CMTM3: variants seen among roughly 807,000 people sequenced by gnomAD.
CMTM3 encodes the protein CKLF like MARVEL transmembrane domain containing 3.
Under a neutral mutation model 18.2 loss-of-function variants are expected in CMTM3, and 7 were observed. That is an observed-to-expected ratio of 0.38 (90% CI 0.22 to 0.72). The LOEUF is 0.72. CMTM3 is among the 30% of genes least tolerant of loss of function. The probability of loss-of-function intolerance (pLI) is 0.46; values close to 1 mark genes in which losing one functional copy is unlikely to be tolerated. For synonymous variants in CMTM3, 109 were observed against 111.2 expected, an observed-to-expected ratio of 0.98 and a Z score of 0.12; for missense variants, 227 against 249.2, an observed-to-expected ratio of 0.91 and a Z score of 0.60.
rs1260981054 is a variant in CMTM3, at chr16:66,609,528, G to A, written c.397G>A (p.Gly133Arg). ...CTCGGATGGGGCTTCCAAAGCCGCT[G>A]GGGTGAGCAGCCGCCCCACCCCTCT... ...KYSDGASKAA[G>R]VFGFFATIVF... The change falls in exon 3 of 5, where the codon GGG becomes AGG. Residue 133 changes from glycine (G) to arginine (R), a missense_variant and splice_region_variant. Gly to Arg is a moderately radical substitution (Grantham distance 125, BLOSUM62 -2). Transcript: ENST00000567572. This position sits in a 1 kb window ranked among gnomAD's most constrained non-coding sequence, Gnocchi z 4.4. 1 of 1,595,764 alleles carries A rather than the reference G, an allele frequency of 6.3e-7. No homozygotes were observed. Among genetic ancestry groups the A allele is most frequent in the Non-Finnish European group, 8.5e-7 (1 of 1,170,462 alleles).
Position 66,608,331 on chromosome 16 carries a change from T to TCTG in CMTM3, c.173_175dup (p.Cys58dup). 1 of 1,614,228 alleles carries TCTG rather than the reference T, an allele frequency of 6.2e-7. No homozygotes were observed. Among genetic ancestry groups the TCTG allele is most frequent in the Non-Finnish European group, 8.5e-7 (1 of 1,180,042 alleles). On this transcript the variant is annotated inframe_insertion, in exon 2 of 5. Coordinates refer to ENST00000567572, the MANE Select transcript of CMTM3 (RefSeq NM_181553.4). This position sits in a 1 kb window ranked among gnomAD's most constrained non-coding sequence, Gnocchi z 5.1. Reference sequence around the variant, plus strand: ...CAGGGTCTCTCATTCATCACTTTTATCTGCTATGTGGCGTCCTCAGCATCT... The same window carrying TCTG: ...CAGGGTCTCTCATTCATCACTTTTATCTGCTGCTATGTGGCGTCCTCAGCATCT...
Position 66,609,424 on chromosome 16 carries a change from T to C in CMTM3, c.304-11T>C, listed in dbSNP as rs372961322. Reference sequence around the variant, plus strand: ...CCAGGGGCTCAGGGCAGCATGCCCCTCTCTCCCCAGGACTTCCTGCGCTGT... The same window carrying C: ...CCAGGGGCTCAGGGCAGCATGCCCCCCTCTCCCCAGGACTTCCTGCGCTGT... On this transcript the variant is annotated splice_polypyrimidine_tract_variant and intron_variant, in intron 2 of 4. Transcript: ENST00000567572. This position sits in a 1 kb window ranked among gnomAD's most constrained non-coding sequence, Gnocchi z 4.4. The C allele has an allele frequency of 1.9e-5, 31 of 1,609,906 alleles. No individual in the cohort carries two copies. Among genetic ancestry groups the C allele is most frequent in the Non-Finnish European group, 2.3e-5 (27 of 1,178,058 alleles).
rs367821038 is a variant in CMTM3, at chr16:66,608,289, C to T, written c.148-20C>T. 6.8e-6 allele frequency: 11 copies of T among 1,613,722 alleles called. No individual in the cohort carries two copies. Among genetic ancestry groups the T allele is most frequent in the Admixed American group, 5.0e-5 (3 of 60,014 alleles). On this transcript the variant is annotated intron_variant, in intron 1 of 4. Transcript: ENST00000567572. This position sits in a 1 kb window ranked among gnomAD's most constrained non-coding sequence, Gnocchi z 5.1. ...GAACATGAAAAGGCTCTGACTTCACCTCAAACTCCTTCCCCGCAGGGTCTC... is the reference window on the plus strand; with the variant it reads ...GAACATGAAAAGGCTCTGACTTCACTTCAAACTCCTTCCCCGCAGGGTCTC...
Position 66,605,038 on chromosome 16 carries a change from G to C in CMTM3, c.147+86G>C. 3.2e-6 allele frequency: 4 copies of C among 1,241,136 alleles called. No homozygotes were observed. The highest frequency in any genetic ancestry group is 4.2e-6 in the Non-Finnish European group (4 of 963,538). The allele number at this position is 1,241,136 out of a possible 1,614,324, so 76.9% of individuals were successfully genotyped here. A position where few individuals can be genotyped will look rare whatever the true frequency, so the allele number is the denominator to read the frequency against. On this transcript the variant is annotated intron_variant, in intron 1 of 4. Coordinates refer to ENST00000567572, the MANE Select transcript of CMTM3 (RefSeq NM_181553.4). The surrounding 1 kb of genome is among the most constrained non-coding windows in gnomAD (Gnocchi z 4.6). ...ACGTCGGGGCGCGGGTGGGGTCCGG[G>C]GGCGGCCGCCGTGCTCCGATACCCC...
rs2015338909 is a variant in CMTM3 at position 66,610,568 on chromosome 16, G to A, written c.520+565G>A. Among the ~76,000 whole-genome samples the A allele has an allele frequency of 6.6e-6, 1 of 152,176 alleles. No homozygotes were observed. The highest frequency in any genetic ancestry group is 2.1e-4 in the South Asian group (1 of 4,828). ...GTCAGCTGGCCCGAGGCTCTGGAGG[G>A]GACACTAGAGCTGGGTACTGACAGA... On this transcript the variant is annotated intron_variant, in intron 4 of 4. Coordinates refer to ENST00000567572, the MANE Select transcript of CMTM3 (RefSeq NM_181553.4). This position sits in a 1 kb window ranked among gnomAD's most constrained non-coding sequence, Gnocchi z 4.6.
In CMTM3 at chr16:66,604,904, G is replaced by T; in HGVS notation, c.99G>T (p.Ala33=). The change falls in exon 1 of 5, where the codon GCG becomes GCT. Residue 33 remains alanine, a synonymous_variant. Coordinates refer to ENST00000567572, the MANE Select transcript of CMTM3 (RefSeq NM_181553.4). ...AVPGLRALLP[A]RAFLCSLKGR... ...CCGGGCTCCGCGCCCTGCTGCCGGCGCGGGCTTTCCTCTGCTCTCTCAAAG... is the reference window on the plus strand; with the variant it reads ...CCGGGCTCCGCGCCCTGCTGCCGGCTCGGGCTTTCCTCTGCTCTCTCAAAG... The T allele has an allele frequency of 6.8e-7, 1 of 1,462,192 alleles. No homozygotes were observed. Among genetic ancestry groups the T allele is most frequent in the East Asian group, 3.0e-5 (1 of 33,358 alleles). The allele number at this position is 1,462,192 out of a possible 1,614,324, so 90.6% of individuals were successfully genotyped here.
Position 66,608,163 on chromosome 16 carries a change from T to C in CMTM3, c.148-146T>C. 1.2e-6 allele frequency: 1 copy of C among 820,812 alleles called. No individual in the cohort carries two copies. Among genetic ancestry groups the C allele is most frequent in the Non-Finnish European group, 2.0e-6 (1 of 508,562 alleles). The allele number at this position is 820,812 out of a possible 1,614,324, so 50.8% of individuals were successfully genotyped here. A position where few individuals can be genotyped will look rare whatever the true frequency, so the allele number is the denominator to read the frequency against. On this transcript the variant is annotated intron_variant, in intron 1 of 4. Coordinates refer to ENST00000567572, the MANE Select transcript of CMTM3 (RefSeq NM_181553.4). This position sits in a 1 kb window ranked among gnomAD's most constrained non-coding sequence, Gnocchi z 5.1. The stretch of plus-strand genomic sequence containing the variant: ...GCTTGGCCTGGGATTCTAATCTGGC[T>C]CTGCCACTTCCCAGCTGCGGGACTG...
Position 66,608,428 on chromosome 16 carries a change from G to C in CMTM3, c.267G>C (p.Leu89=). 1.2e-6 allele frequency: 2 copies of C among 1,614,178 alleles called. No homozygotes were observed. The highest frequency in any genetic ancestry group is 2.7e-5 in the African/African-American group (2 of 75,070). ...LYFLFADAMQ[L]NDKWQGLCWP... is the part of the protein sequence containing the mutation. ...TCCTCTTTGCTGATGCCATGCAGCT[G>C]AATGACAAGTGGCAGGGCTTGTGCT... The change falls in exon 2 of 5, where the codon CTG becomes CTC. Residue 89 remains leucine (L), a synonymous_variant. Transcript: ENST00000567572. This position sits in a 1 kb window ranked among gnomAD's most constrained non-coding sequence, Gnocchi z 5.1.
At chr16:66,611,528 G>A (rs928881357) in intron 4 of CMTM3, among the ~76,000 whole-genome samples, 1 of 152,164 alleles carries the variant, frequency 6.6e-6, no homozygotes, top group African/African-American at 2.4e-5. Context: ...GACAGAGCTG[G>A]GGTTTAGGGA....
upstream of CMTM3, chr16:66,604,665 G>A (rs992131158): frequency 7.4e-5 from 44 of 595,212 alleles, no homozygotes; most frequent in African/African-American, 7.8e-4. Context: ...TGGGGGCGGG[G>A]CGGGGCGTGG....
In CMTM3 at chr16:66,612,152, C is replaced by T. The variant is rs1597212421; in HGVS notation, c.521-457C>T. Reference sequence around the variant, plus strand: ...TTCTGCGGCCGGGCACGGTGGCTCACGCCTGTTACCCCAGCACTTTGGGAG... The same window carrying T: ...TTCTGCGGCCGGGCACGGTGGCTCATGCCTGTTACCCCAGCACTTTGGGAG... On this transcript the variant is annotated intron_variant, in intron 4 of 4. Transcript: ENST00000567572. This position sits in a 1 kb window ranked among gnomAD's most constrained non-coding sequence, Gnocchi z 6.0. 1.3e-5 allele frequency among the ~76,000 whole-genome samples: 2 copies of T among 152,176 alleles called. No homozygotes were observed. Among genetic ancestry groups the T allele is most frequent in the South Asian group, 4.1e-4 (2 of 4,834 alleles).
chr16:66,606,847 G>C (rs892452749), intron 1 of CMTM3, among the ~76,000 whole-genome samples: 7 of 152,194 alleles, frequency 4.6e-5, no homozygotes, highest in African/African-American at 1.7e-4. Flanking sequence ...AAAAAAATTA[G>C]CTGGGTTTGG....
At position 66,610,668 on chromosome 16, in the gene CMTM3, C is replaced by T. The variant is rs1339274178; in HGVS notation, c.520+665C>T. On this transcript the variant is annotated intron_variant, in intron 4 of 4. Transcript: ENST00000567572. This position sits in a 1 kb window ranked among gnomAD's most constrained non-coding sequence, Gnocchi z 4.6. Reference sequence around the variant, plus strand: ...GAAGGCTGAGAGCAGAGACAGCAGGCGCTTCTGCCTGGGGAGATGCTTCTC... The same window carrying T: ...GAAGGCTGAGAGCAGAGACAGCAGGTGCTTCTGCCTGGGGAGATGCTTCTC... Among the ~76,000 whole-genome samples the T allele has an allele frequency of 6.6e-6, 1 of 152,142 alleles. No individual in the cohort carries two copies. The highest frequency in any genetic ancestry group is 1.5e-5 in the Non-Finnish European group (1 of 68,020).
chr16:66,606,851 G>A (rs2015174392), intron 1 of CMTM3, among the ~76,000 whole-genome samples: 1 of 152,188 alleles, frequency 6.6e-6, no homozygotes, highest in South Asian at 2.1e-4. Flanking sequence ...AAATTAGCTG[G>A]GTTTGGTGGC....
In CMTM3 at chr16:66,612,664, G is replaced by T. The variant is rs781315774; in HGVS notation, c.*27G>T. The T allele has an allele frequency of 2.5e-6, 4 of 1,612,396 alleles. No homozygotes were observed. The highest frequency in any genetic ancestry group is 1.3e-5 in the African/African-American group (1 of 74,904). On this transcript the variant is annotated 3_prime_UTR_variant, in exon 5 of 5. Transcript: ENST00000567572. The surrounding 1 kb of genome is among the most constrained non-coding windows in gnomAD (Gnocchi z 6.0). The stretch of plus-strand genomic sequence containing the variant: ...GGCCTGGCGGGTGCCTTGGCAACCT[G>T]AGCCACACAGGCCTCCACCCCTGCG...
chr16:66,604,175 G>GCTTGCAGGTCC (rs2015029825), upstream of CMTM3: 1 of 152,570 alleles, frequency 6.6e-6, no homozygotes, highest in African/African-American at 2.4e-5. Context: ...CTGGAGCTGC[G>GCTTGCAGGTCC]CTTGCAGGTC....
In CMTM3 at chr16:66,610,956, T is replaced by A; in HGVS notation, c.520+953T>A. The stretch of plus-strand genomic sequence containing the variant: ...CCCTTGGCAAATATTAGGTTAGAGC[T>A]CCCAGGCGGTTTCCTCAGGCTCTGC... On this transcript the variant is annotated intron_variant, in intron 4 of 4. Coordinates refer to ENST00000567572, the MANE Select transcript of CMTM3 (RefSeq NM_181553.4). The surrounding 1 kb of genome is among the most constrained non-coding windows in gnomAD (Gnocchi z 4.6). The A allele has an allele frequency of 2.5e-6, 1 of 398,452 alleles. No individual in the cohort carries two copies. The highest frequency in any genetic ancestry group is 6.3e-4 in the Middle Eastern group (1 of 1,588). The allele number at this position is 398,452 out of a possible 1,614,324, so 24.7% of individuals were successfully genotyped here.
In CMTM3 at chr16:66,608,294, A is replaced by C; in HGVS notation, c.148-15A>C. 6.2e-7 allele frequency: 1 copy of C among 1,613,074 alleles called. No individual in the cohort carries two copies. The highest frequency in any genetic ancestry group is 8.5e-7 in the Non-Finnish European group (1 of 1,179,618). ...TGAAAAGGCTCTGACTTCACCTCAA[A>C]CTCCTTCCCCGCAGGGTCTCTCATT... On this transcript the variant is annotated splice_polypyrimidine_tract_variant and intron_variant, in intron 1 of 4. Coordinates refer to ENST00000567572, the MANE Select transcript of CMTM3 (RefSeq NM_181553.4). The surrounding 1 kb of genome is among the most constrained non-coding windows in gnomAD (Gnocchi z 5.1).
chr16:66,608,333 T>C lies in CMTM3; in HGVS notation c.172T>C (p.Cys58Arg). 1 of 1,614,214 alleles carries C rather than the reference T, an allele frequency of 6.2e-7. No individual in the cohort carries two copies. The highest frequency in any genetic ancestry group is 8.5e-7 in the Non-Finnish European group (1 of 1,180,036). Residue 58 changes from cysteine to arginine, a missense_variant, in exon 2 of 5, where the codon TGC becomes CGC. Cys to Arg is a radical substitution (Grantham distance 180). Transcript: ENST00000567572. This position sits in a 1 kb window ranked among gnomAD's most constrained non-coding sequence, Gnocchi z 5.1. ...GGGTCTCTCATTCATCACTTTTATC[T>C]GCTATGTGGCGTCCTCAGCATCTGC... is the stretch of plus-strand genomic sequence containing the variant. ...ESGLSFITFI[C>R]YVASSASAFL... is the part of the protein sequence containing the mutation.
Sources: gnomAD v4.1 joint callset for allele counts (sites outside exome capture counted in the v4.1 genomes callset) on GRCh38, gnomAD v4.1.1 for gene constraint, Gnocchi (gnomAD v3.1) non-coding constraint, MANE v1.5 for transcripts, NCBI Gene and HGNC (gene_info 2026-07-23, HGNC 2026-07-21) for gene names.